DOK6: variants seen among roughly 807,000 people sequenced by gnomAD.
DOK6 encodes the protein docking protein 6.
A neutral mutation model predicts 44.0 loss-of-function variants in DOK6; 22 were observed. The ratio of observed to expected loss-of-function variants is 0.50; its 90% CI spans 0.36 to 0.71. The LOEUF (loss-of-function observed/expected upper bound fraction) is 0.71, where lower values mean the gene tolerates loss of function less well. Ranked by LOEUF, DOK6 falls within the 30% of genes least tolerant of loss-of-function variation. The pLI, the probability that DOK6 is intolerant of heterozygous loss-of-function variation, is 0.00. For synonymous variants in DOK6, 166 were observed against 145.5 expected (o/e 1.14, Z -1.01); for missense variants, 340 against 416.4 (o/e 0.82, Z 1.60).
intron 1 of DOK6, among the ~76,000 whole-genome samples, chr18:69,457,869 C>A (rs184850479): frequency 6.6e-6 from 1 of 152,242 alleles, no homozygotes; most frequent in African/African-American, 2.4e-5. Flanking sequence ...ACATGCCAGG[C>A]GTGGTGGCTC....
chr18:69,799,289 C>G (rs571255435), intron 7 of DOK6, among the ~76,000 whole-genome samples: 10 of 151,930 alleles, frequency 6.6e-5, no homozygotes, highest in African/African-American at 2.4e-4. Context: ...AGAAGTTTAT[C>G]GTCAGCAGCA....
At chr18:69,739,879 C>G (rs1226703034) in intron 6 of DOK6, among the ~76,000 whole-genome samples, 2 of 152,042 alleles carry the variant, frequency 1.3e-5, no homozygotes, top group Admixed American at 1.3e-4. Context: ...CTTTGTGAAA[C>G]ATCAGTAAGT....
chr18:69,646,444 A>T (rs1393170117), intron 3 of DOK6, among the ~76,000 whole-genome samples: 1 of 152,146 alleles, frequency 6.6e-6, no homozygotes, highest in African/African-American at 2.4e-5. Flanking sequence ...ATTACCAGTT[A>T]TTATGTATTC....
intron 7 of DOK6, among the ~76,000 whole-genome samples, chr18:69,768,488 G>A (rs1297666921): frequency 6.6e-6 from 1 of 151,226 alleles, no homozygotes; most frequent in Non-Finnish European, 1.5e-5. Context: ...TTTCTCCTTG[G>A]TCTCTATTTC....
intron 7 of DOK6, among the ~76,000 whole-genome samples, chr18:69,806,392 A>G (rs1981053574): frequency 6.6e-6 from 1 of 151,984 alleles, no homozygotes; most frequent in Non-Finnish European, 1.5e-5. Flanking sequence ...TAATAATGTA[A>G]AAGGTTAAAC....
intron 7 of DOK6, among the ~76,000 whole-genome samples, chr18:69,780,434 A>C (rs1346085968): frequency 1.3e-5 from 2 of 152,138 alleles, no homozygotes; most frequent in Non-Finnish European, 2.9e-5. Context: ...TCTACTGAAA[A>C]TACAAAAATT....
intron 1 of DOK6, among the ~76,000 whole-genome samples, chr18:69,445,926 T>G (rs933859868): frequency 6.6e-6 from 1 of 152,186 alleles, no homozygotes; most frequent in African/African-American, 2.4e-5. Context: ...ATTCCTTATT[T>G]ATATAAGATC....
intron 2 of DOK6, among the ~76,000 whole-genome samples, chr18:69,582,670 T>C (rs1183578369): frequency 6.6e-6 from 1 of 152,218 alleles, no homozygotes; most frequent in Non-Finnish European, 1.5e-5. Flanking sequence ...CTTAATCCCA[T>C]TCATCTTTCC....
At chr18:69,611,910 C>T (rs1183368700) in intron 3 of DOK6, among the ~76,000 whole-genome samples, 1 of 150,860 alleles carries the variant, frequency 6.6e-6, no homozygotes, top group East Asian at 2.0e-4. Flanking sequence ...TGTGGTGGTG[C>T]GTACACAAAC....
chr18:69,794,805 C>T (rs1980697869), intron 7 of DOK6, among the ~76,000 whole-genome samples: 1 of 152,100 alleles, frequency 6.6e-6, no homozygotes, highest in Non-Finnish European at 1.5e-5. Context: ...ATGAGATTCT[C>T]AAAGGAGCAT....
intron 1 of DOK6, among the ~76,000 whole-genome samples, chr18:69,440,338 G>A (rs1302752643): frequency 6.6e-6 from 1 of 152,190 alleles, no homozygotes; most frequent in African/African-American, 2.4e-5. Flanking sequence ...ATGTGACAAA[G>A]AGACAGGAAG....
intron 1 of DOK6, among the ~76,000 whole-genome samples, chr18:69,529,659 T>C (rs1419291433): frequency 6.6e-6 from 1 of 152,212 alleles, no homozygotes; most frequent in Non-Finnish European, 1.5e-5. Flanking sequence ...GCTCAAGTTA[T>C]CATTATTAAA....
At chr18:69,824,866 A>G (rs1027804408) in intron 7 of DOK6, among the ~76,000 whole-genome samples, 1 of 152,216 alleles carries the variant, frequency 6.6e-6, no homozygotes, top group African/African-American at 2.4e-5. Context: ...AGTCATATCC[A>G]GGGTATGATT....
chr18:69,534,230 T>A (rs1056939926), intron 1 of DOK6, among the ~76,000 whole-genome samples: 10 of 152,316 alleles, frequency 6.6e-5, no homozygotes, highest in African/African-American at 2.2e-4. Flanking sequence ...AGATATGGGT[T>A]CTATTCTATA....
chr18:69,440,870 A>C (rs1257306925), intron 1 of DOK6, among the ~76,000 whole-genome samples: 1 of 152,090 alleles, frequency 6.6e-6, no homozygotes, highest in East Asian at 1.9e-4. Context: ...AAACAACTTG[A>C]CATTGTCTGA....
At chr18:69,441,264 A>G (rs1979130067) in intron 1 of DOK6, among the ~76,000 whole-genome samples, 1 of 152,170 alleles carries the variant, frequency 6.6e-6, no homozygotes, top group Non-Finnish European at 1.5e-5. Flanking sequence ...TATGATAAAT[A>G]TTATGAGTAC....
chr18:69,426,729 ATG>A (rs1978646991), intron 1 of DOK6, among the ~76,000 whole-genome samples: 1 of 152,206 alleles, frequency 6.6e-6, no homozygotes, highest in Admixed American at 6.5e-5. Context: ...AGAATATGAT[ATG>A]TGTCACATTT....
intron 7 of DOK6, among the ~76,000 whole-genome samples, chr18:69,765,735 G>A (rs1979694757): frequency 6.6e-6 from 1 of 152,056 alleles, no homozygotes; most frequent in African/African-American, 2.4e-5. Flanking sequence ...AAATATACCG[G>A]AGTTTGAATA....
At chr18:69,762,149 G>GCATACATACATACATA (rs60739609) in intron 7 of DOK6, among the ~76,000 whole-genome samples, 3 of 110,732 alleles carry the variant, frequency 2.7e-5, no homozygotes, top group Non-Finnish European at 5.7e-5. Context: ...ATCTCTGCAT[G>GCATACATACATACATA]CATACATACA....
Sources: allele counts gnomAD v4.1 joint callset (sites outside exome capture counted in the v4.1 genomes callset), GRCh38; gene constraint gnomAD v4.1.1; transcripts MANE v1.5; gene names NCBI Gene and HGNC (gene_info 2026-07-23, HGNC 2026-07-21).